Variants in MIPEP observed in about 807,000 individuals in gnomAD.
MIPEP encodes the protein mitochondrial intermediate peptidase.
A neutral mutation model predicts 90.3 loss-of-function variants in MIPEP; 79 were observed. The observed-to-expected ratio is 0.87, with a 90% CI of 0.73 to 1.05. The LOEUF is 1.05. Among genes scored for constraint, MIPEP ranks in the 50% least tolerant of loss-of-function variants. MIPEP has a pLI of 0.00. For synonymous variants in MIPEP, 334 were observed against 315.8 expected, an observed-to-expected ratio of 1.06 and a Z score of -0.61; for missense variants, 940 against 905.6, an observed-to-expected ratio of 1.04 and a Z score of -0.49.
At chr13:23,738,614 GTTTTT>G (rs67929968) in intron 18 of MIPEP, among the ~76,000 whole-genome samples, 12 of 143,132 alleles carry the variant, frequency 8.4e-5, no homozygotes, top group African/African-American at 2.8e-4. Context: ...CGCCCAGCTA[GTTTTT>G]TTTTTTTTTG....
intron 16 of MIPEP, among the ~76,000 whole-genome samples, chr13:23,779,822 G>C (rs1233310763): frequency 6.6e-6 from 1 of 152,216 alleles, no homozygotes; most frequent in African/African-American, 2.4e-5. Context: ...CCCGCGCCTG[G>C]CTCAGAGGTT....
intron 18 of MIPEP, among the ~76,000 whole-genome samples, chr13:23,743,796 C>A (rs551965054): frequency 3.3e-5 from 5 of 152,314 alleles, no homozygotes; most frequent in African/African-American, 4.8e-5. Context: ...ACATTAAACA[C>A]GCACACACCC....
chr13:23,838,199 A>G (rs1443666389), intron 12 of MIPEP, among the ~76,000 whole-genome samples: 1 of 151,808 alleles, frequency 6.6e-6, no homozygotes, highest in Non-Finnish European at 1.5e-5. Flanking sequence ...GCTGGAGTGC[A>G]GTGTTGTGAT....
At chr13:23,778,866 A>T (rs1471327361) in intron 16 of MIPEP, among the ~76,000 whole-genome samples, 1 of 152,106 alleles carries the variant, frequency 6.6e-6, no homozygotes, top group Non-Finnish European at 1.5e-5. Context: ...AGCTCACCTG[A>T]TTCTACAACA....
At chr13:23,788,355 T>C (rs917345520) in intron 16 of MIPEP, among the ~76,000 whole-genome samples, 4 of 152,202 alleles carry the variant, frequency 2.6e-5, no homozygotes, top group African/African-American at 9.6e-5. Flanking sequence ...CTGTGTTTGC[T>C]CCTTGAGCAT....
In MIPEP at chr13:23,734,209, A is replaced by C. The variant is rs1952235204; in HGVS notation, c.2045-3764T>G. On this transcript the variant is annotated intron_variant, in intron 18 of 18. Coordinates refer to ENST00000382172, the MANE Select transcript of MIPEP (RefSeq NM_005932.4). Reference sequence around the variant, plus strand: ...GCCATTTCTTCCTTTTTAATATTTGAGGGGTTGCCTCTCTCAGCTTTGGCG... The same window carrying C: ...GCCATTTCTTCCTTTTTAATATTTGCGGGGTTGCCTCTCTCAGCTTTGGCG... Among the ~76,000 whole-genome samples, 2 of 152,162 alleles carry C rather than the reference A, an allele frequency of 1.3e-5. 1 individual carries two copies. Among genetic ancestry groups the C allele is most frequent in the South Asian group, 4.1e-4 (2 of 4,830 alleles).
intron 18 of MIPEP, 115 bp from the exon 19 acceptor site, chr13:23,730,560 T>C (rs994395480): frequency 4.3e-6 from 3 of 699,124 alleles, no homozygotes; most frequent in South Asian, 1.6e-5. Context: ...ATTAAGACTC[T>C]GGCTGTATAA....
chr13:23,746,633 CAAAA>C (rs34666099), intron 18 of MIPEP, among the ~76,000 whole-genome samples: 1 of 99,360 alleles, frequency 1.0e-5, no homozygotes. Flanking sequence ...GACTCCCTCT[CAAAA>C]AAAAAAAAAA....
chr13:23,779,492 C>T lies in MIPEP; in HGVS notation c.1849-19275G>A, dbSNP rs149672837. ...ATGGGGGGGGCAGTTCCAAGATGGA[C>T]GAATAGGAACAGCTCCAGTCTACAG... On this transcript the variant is annotated intron_variant, in intron 16 of 18. Transcript: ENST00000382172. Among the ~76,000 whole-genome samples, 10 of 152,132 alleles carry T rather than the reference C, an allele frequency of 6.6e-5. No homozygotes were observed. The East Asian group carries it at 9.7e-4, about 15-fold the overall frequency.
chr13:23,869,462 G>A lies in MIPEP; in HGVS notation c.787-14C>T. On this transcript the variant is annotated splice_polypyrimidine_tract_variant and intron_variant, in intron 6 of 18. Coordinates refer to ENST00000382172, the MANE Select transcript of MIPEP (RefSeq NM_005932.4). Reference sequence around the variant, plus strand: ...AGCTTCTCGCACCTACGTTTAAAAAGTAAATGGTGAAGGCTATAAATATCA... The same window carrying A: ...AGCTTCTCGCACCTACGTTTAAAAAATAAATGGTGAAGGCTATAAATATCA... 6.3e-7 allele frequency: 1 copy of A among 1,593,458 alleles called. No homozygotes were observed.
At chr13:23,882,794 T>C (rs572609085) in intron 2 of MIPEP, among the ~76,000 whole-genome samples, 13 of 152,298 alleles carry the variant, frequency 8.5e-5, no homozygotes, top group South Asian at 8.3e-4. Flanking sequence ...GTTGTAACAA[T>C]TGGTAACGAT....
intron 14 of MIPEP, among the ~76,000 whole-genome samples, chr13:23,819,650 C>G (rs576992951): frequency 6.6e-6 from 1 of 152,114 alleles, no homozygotes; most frequent in East Asian, 1.9e-4. Flanking sequence ...AACTATAAAT[C>G]TCTATGTGTT....
chr13:23,829,341 C>T (rs967192326), intron 14 of MIPEP, among the ~76,000 whole-genome samples: 2 of 151,984 alleles, frequency 1.3e-5, no homozygotes, highest in Non-Finnish European at 2.9e-5. Flanking sequence ...ACAGTGAAAT[C>T]CTGTCTCTAT....
chr13:23,847,695 C>T (rs1869611872), intron 10 of MIPEP, among the ~76,000 whole-genome samples: 1 of 152,038 alleles, frequency 6.6e-6, no homozygotes, highest in Non-Finnish European at 1.5e-5. Flanking sequence ...ACAGTCTCTC[C>T]AACTGTCACA....
chr13:23,776,138 A>G (rs1350089325), intron 16 of MIPEP, among the ~76,000 whole-genome samples: 3 of 151,974 alleles, frequency 2.0e-5, no homozygotes, highest in Non-Finnish European at 2.9e-5. Flanking sequence ...CCTGCAGCTT[A>G]TATCTGCTCA....
Position 23,799,162 on chromosome 13 carries a change from C to T in MIPEP, c.1848+6788G>A, listed in dbSNP as rs538472527. ...GAGACTACAGGCATGTACCACCACGCGCAGCTGATTTTTTTTTTTTGTATT... is the reference window on the plus strand; with the variant it reads ...GAGACTACAGGCATGTACCACCACGTGCAGCTGATTTTTTTTTTTTGTATT... On this transcript the variant is annotated intron_variant, in intron 16 of 18. Coordinates refer to ENST00000382172, the MANE Select transcript of MIPEP (RefSeq NM_005932.4). Among the ~76,000 whole-genome samples, 22 of 148,194 alleles carry T rather than the reference C, an allele frequency of 1.5e-4. No individual in the cohort carries two copies. In the South Asian group the frequency reaches 2.0e-3, roughly 13 times the overall value.
intron 14 of MIPEP, among the ~76,000 whole-genome samples, chr13:23,813,383 G>A (rs1953195747): frequency 6.6e-6 from 1 of 152,112 alleles, no homozygotes; most frequent in Non-Finnish European, 1.5e-5. Context: ...TCCCTGCTGT[G>A]AAATGATACG....
chr13:23,867,438 T>C lies in MIPEP; in HGVS notation c.943+1854A>G, dbSNP rs1434045350. Among the ~76,000 whole-genome samples, 5 of 152,166 alleles carry C rather than the reference T, an allele frequency of 3.3e-5. No individual in the cohort carries two copies. In the East Asian group the frequency reaches 5.8e-4, roughly 18 times the overall value. The stretch of plus-strand genomic sequence containing the variant: ...AAGTGAGCCTTCCGACAATGCTCTC[T>C]AAAACTCCAACACCAGCCTACATGC... On this transcript the variant is annotated intron_variant, in intron 7 of 18. Transcript: ENST00000382172.
chr13:23,865,457 T>C (rs573668491), intron 7 of MIPEP, among the ~76,000 whole-genome samples: 38 of 152,328 alleles, frequency 2.5e-4, no homozygotes, highest in African/African-American at 8.7e-4. Flanking sequence ...TCATGTGCCA[T>C]ATGAAACAAC....
Sources: allele counts gnomAD v4.1 joint callset (sites outside exome capture counted in the v4.1 genomes callset), GRCh38; gene constraint gnomAD v4.1.1; transcripts MANE v1.5; gene names NCBI Gene and HGNC (gene_info 2026-07-23, HGNC 2026-07-21).